The following SPATA6 variants were observed in gnomAD, a reference collection of about 807,000 sequenced individuals.
The protein encoded by SPATA6 is spermatogenesis-associated protein 6.
In SPATA6, 56 loss-of-function variants were observed where a neutral mutation model predicts 65.3. The ratio of observed to expected loss-of-function variants is 0.86; its 90% CI spans 0.69 to 1.07. SPATA6 has a LOEUF of 1.07. Among genes scored for constraint, SPATA6 ranks in the 50% least tolerant of loss-of-function variants. The pLI is 0.00. For missense variants in SPATA6, 590 were observed against 594.8 expected, an observed-to-expected ratio of 0.99 and a Z score of 0.08; for synonymous variants, 199 against 213.2, an observed-to-expected ratio of 0.93 and a Z score of 0.58.
chr1:48,404,354 T>C (rs981458242), intron 5 of SPATA6, among the ~76,000 whole-genome samples: 1 of 152,120 alleles, frequency 6.6e-6, no homozygotes, highest in Non-Finnish European at 1.5e-5. Context: ...CAATTAGTAT[T>C]ACTCAATTAA....
intron 11 of SPATA6, among the ~76,000 whole-genome samples, chr1:48,341,219 G>A (rs1243961758): frequency 6.6e-6 from 1 of 151,990 alleles, no homozygotes; most frequent in Non-Finnish European, 1.5e-5. Flanking sequence ...CCACTTTTAG[G>A]TATATTTCCA....
At chr1:48,427,914 T>C (rs903635218) in intron 3 of SPATA6, among the ~76,000 whole-genome samples, 1 of 152,170 alleles carries the variant, frequency 6.6e-6, no homozygotes, top group Non-Finnish European at 1.5e-5. Context: ...CCAGTGTTTA[T>C]TGTTCCCATC....
chr1:48,323,961 T>C (rs773001682), intron 11 of SPATA6, among the ~76,000 whole-genome samples: 2 of 152,192 alleles, frequency 1.3e-5, no homozygotes, highest in Non-Finnish European at 2.9e-5. Context: ...GTTGTTATTT[T>C]ATTTTTGAGA....
intron 10 of SPATA6, among the ~76,000 whole-genome samples, chr1:48,358,908 T>C (rs1646732079): frequency 6.6e-6 from 1 of 152,184 alleles, no homozygotes; most frequent in Non-Finnish European, 1.5e-5. Context: ...GCATCCAAAC[T>C]AACACACTGT....
intron 10 of SPATA6, among the ~76,000 whole-genome samples, chr1:48,358,123 G>A (rs1646708393): frequency 6.6e-6 from 1 of 151,850 alleles, no homozygotes; most frequent in Admixed American, 6.6e-5. Context: ...TATGAATAAA[G>A]GGACAGCTAA....
chr1:48,431,152 CA>C (rs1654365515), intron 3 of SPATA6, among the ~76,000 whole-genome samples: 1 of 151,450 alleles, frequency 6.6e-6, no homozygotes, highest in Non-Finnish European at 1.5e-5. Context: ...GACTTAAAAT[CA>C]AAAAAGATTA....
chr1:48,445,737 T>C (rs562533830), intron 3 of SPATA6, among the ~76,000 whole-genome samples: 1 of 146,842 alleles, frequency 6.8e-6, no homozygotes, highest in South Asian at 2.2e-4. Flanking sequence ...GTACATAGGC[T>C]ATGCCAACAG....
chr1:48,269,267 G>T, the SPATA6 span, among the ~76,000 whole-genome samples: 1 of 152,036 alleles, frequency 6.6e-6, no homozygotes, highest in Non-Finnish European at 1.5e-5. Context: ...TCATCACAAT[G>T]ACCATTTAAT....
intron 9 of SPATA6, among the ~76,000 whole-genome samples, chr1:48,375,780 CT>C (rs1296686173): frequency 6.6e-6 from 1 of 152,106 alleles, no homozygotes; most frequent in Non-Finnish European, 1.5e-5. Flanking sequence ...CATACTAGAA[CT>C]TTAAATTATA....
chr1:48,339,042 G>T (rs1352126506), intron 11 of SPATA6, among the ~76,000 whole-genome samples: 3 of 151,908 alleles, frequency 2.0e-5, no homozygotes, highest in Non-Finnish European at 2.9e-5. Flanking sequence ...GAGAGCAGGG[G>T]ACTGAAATAC....
Position 48,471,951 on chromosome 1 carries a change from TACTC to T in SPATA6, c.51+3_51+6del. On this transcript the variant is annotated splice_donor_5th_base_variant and intron_variant, in intron 1 of 12. Transcript: ENST00000371847. The stretch of plus-strand genomic sequence containing the variant: ...GCCCGGGGGTGGGAGGCGCTACCGG[TACTC>T]ACTGAGCTGATCTCCAGCGCCAGGG... The T allele has an allele frequency of 6.2e-7, 1 of 1,609,780 alleles. No individual in the cohort carries two copies. The highest frequency in any genetic ancestry group is 8.5e-7 in the Non-Finnish European group (1 of 1,179,158).
At chr1:48,283,125 T>A in the SPATA6 span, among the ~76,000 whole-genome samples, 1 of 135,146 alleles carries the variant, frequency 7.4e-6, no homozygotes, top group African/African-American at 2.8e-5. Flanking sequence ...TAGGTGGGAA[T>A]TGAACAATGA....
chr1:48,286,732 T>G, the SPATA6 span, among the ~76,000 whole-genome samples: 1 of 152,218 alleles, frequency 6.6e-6, no homozygotes, highest in South Asian at 2.1e-4. Context: ...ACTGTGTAAT[T>G]TATTTTAAAA....
At chr1:48,391,805 CA>C (rs1237565980) in intron 8 of SPATA6, among the ~76,000 whole-genome samples, 1 of 151,640 alleles carries the variant, frequency 6.6e-6, no homozygotes, top group Non-Finnish European at 1.5e-5. Context: ...AAAGTTATAC[CA>C]GAGAGTAATC....
intron 1 of SPATA6, 110 bp from the exon 2 acceptor site, chr1:48,453,241 A>G: frequency 8.5e-7 from 1 of 1,178,462 alleles, no homozygotes; most frequent in South Asian, 1.7e-5. Flanking sequence ...GTAATCTAAT[A>G]AAAAATACTC....
At chr1:48,416,133 T>G (rs1001986889) in intron 3 of SPATA6, among the ~76,000 whole-genome samples, 1 of 151,722 alleles carries the variant, frequency 6.6e-6, no homozygotes, top group South Asian at 2.1e-4. Context: ...GCCAGGGAGG[T>G]AGAGGTGGCA....
At chr1:48,440,764 A>C (rs1655384564) in intron 3 of SPATA6, among the ~76,000 whole-genome samples, 1 of 152,218 alleles carries the variant, frequency 6.6e-6, no homozygotes, top group Non-Finnish European at 1.5e-5. Context: ...CTAAAAGATA[A>C]GTTTATTACC....
chr1:48,360,481 T>A (rs1470219187), intron 9 of SPATA6, among the ~76,000 whole-genome samples: 1 of 151,948 alleles, frequency 6.6e-6, no homozygotes, highest in Non-Finnish European at 1.5e-5. Flanking sequence ...AAGACCTAAG[T>A]CACGAAGATT....
At chr1:48,308,366 C>T (rs977132914) in intron 11 of SPATA6, among the ~76,000 whole-genome samples, 4 of 151,912 alleles carry the variant, frequency 2.6e-5, no homozygotes, top group Non-Finnish European at 5.9e-5. Context: ...CAGTCCCTCC[C>T]CTTTTAATTG....
Sources: gnomAD v4.1 joint callset for allele counts (sites outside exome capture counted in the v4.1 genomes callset) on GRCh38, gnomAD v4.1.1 for gene constraint, MANE v1.5 for transcripts, NCBI Gene and HGNC (gene_info 2026-07-23, HGNC 2026-07-21) for gene names.